Variants in FANCL observed in about 807,000 individuals in gnomAD.
FANCL encodes FA complementation group L.
In FANCL, 69 loss-of-function variants were observed where a neutral mutation model predicts 59.4. The observed-to-expected ratio is 1.16, with a 90% CI of 0.96 to 1.42. FANCL has a LOEUF of 1.42. FANCL is among the 40% of genes most tolerant of loss of function. FANCL has a pLI of 0.00. For missense variants in FANCL, 519 were observed against 447.2 expected, an observed-to-expected ratio of 1.16 and a Z score of -1.45; for synonymous variants, 180 against 147.1, an observed-to-expected ratio of 1.22 and a Z score of -1.62.
chr2:58,199,058 A>G (rs1036740871), intron 6 of FANCL, among the ~76,000 whole-genome samples: 2 of 151,726 alleles, frequency 1.3e-5, no homozygotes, highest in African/African-American at 4.8e-5. Context: ...AAAACGAGAT[A>G]TATTGGGGGA....
chr2:58,220,582 G>A (rs1019470204), intron 5 of FANCL, among the ~76,000 whole-genome samples: 1 of 151,946 alleles, frequency 6.6e-6, no homozygotes, highest in South Asian at 2.1e-4. Context: ...ATATGTTTAA[G>A]TCTCTATTTA....
intron 2 of FANCL, among the ~76,000 whole-genome samples, chr2:58,230,741 A>G (rs557647346): frequency 7.2e-5 from 11 of 152,180 alleles, no homozygotes; most frequent in Non-Finnish European, 1.0e-4. Flanking sequence ...TCCATTGGTA[A>G]CCCCTGCTCA....
At chr2:58,224,329 G>A (rs955663574) in intron 4 of FANCL, among the ~76,000 whole-genome samples, 1 of 151,706 alleles carries the variant, frequency 6.6e-6, no homozygotes, top group Non-Finnish European at 1.5e-5. Context: ...CAATGTCAAG[G>A]AGATGTAAAC....
chr2:58,172,392 T>A (rs1476188557), intron 7 of FANCL, among the ~76,000 whole-genome samples: 1 of 152,114 alleles, frequency 6.6e-6, no homozygotes, highest in Non-Finnish European at 1.5e-5. Flanking sequence ...CAGGTACTCC[T>A]CTGAGACAAA....
intron 5 of FANCL, among the ~76,000 whole-genome samples, chr2:58,214,408 T>C (rs567398162): frequency 2.6e-4 from 39 of 152,320 alleles, no homozygotes; most frequent in African/African-American, 9.4e-4. Context: ...AAGAATCCTA[T>C]AATTATACTC....
intron 7 of FANCL, among the ~76,000 whole-genome samples, chr2:58,171,166 T>C (rs1007878374): frequency 1.3e-5 from 2 of 152,004 alleles, no homozygotes; most frequent in East Asian, 1.9e-4. Context: ...TGGAATTCAA[T>C]AAAATCTCTC....
At chr2:58,226,277 A>C (rs534174131) in intron 4 of FANCL, among the ~76,000 whole-genome samples, 39 of 152,304 alleles carry the variant, frequency 2.6e-4, no homozygotes, top group Admixed American at 1.8e-3. Context: ...AAACTGAATA[A>C]TCAAGTATTT....
chr2:58,167,950 C>A (rs1268793228), intron 7 of FANCL, among the ~76,000 whole-genome samples: 2 of 151,718 alleles, frequency 1.3e-5, no homozygotes, highest in African/African-American at 4.8e-5. Flanking sequence ...CACTAAAAAC[C>A]CTTATTTTGA....
intron 1 of FANCL, among the ~76,000 whole-genome samples, chr2:58,237,629 T>C (rs564354252): frequency 1.4e-4 from 21 of 152,224 alleles, no homozygotes; most frequent in African/African-American, 5.1e-4. Flanking sequence ...ACAGGTTCTT[T>C]GAAGAAATCA....
At chr2:58,197,381 C>G (rs1431655435) in intron 7 of FANCL, among the ~76,000 whole-genome samples, 1 of 151,866 alleles carries the variant, frequency 6.6e-6, no homozygotes, top group African/African-American at 2.4e-5. Context: ...AATGAGTAGC[C>G]TCCATTTACG....
chr2:58,217,213 TATACACACACACAC>T (rs1486399832), intron 5 of FANCL, among the ~76,000 whole-genome samples: 186 of 7,704 alleles, frequency 0.024, 2 homozygotes, highest in Non-Finnish European at 0.033. Context: ...TATATATATA[TATACACACACACAC>T]ACACACACAC....
chr2:58,176,272 A>C (rs978349048), intron 7 of FANCL, among the ~76,000 whole-genome samples: 2 of 152,184 alleles, frequency 1.3e-5, no homozygotes, highest in African/African-American at 4.8e-5. Context: ...AGAATTGGAA[A>C]AATCTACTTT....
Position 58,162,949 on chromosome 2 carries a change from T to C in FANCL, c.822-2A>G. On this transcript the variant is annotated splice_acceptor_variant, in intron 10 of 13. Coordinates refer to ENST00000233741, the MANE Select transcript of FANCL (RefSeq NM_018062.4). LOFTEE classifies it high-confidence loss of function. ...TGTAACACACTATTTTCTGGATCCCTGAAAGCATGGGGAAAAAAATTATGC... is the reference window on the plus strand; with the variant it reads ...TGTAACACACTATTTTCTGGATCCCCGAAAGCATGGGGAAAAAAATTATGC... 6.2e-7 allele frequency: 1 copy of C among 1,612,688 alleles called. No homozygotes were observed. The highest frequency in any genetic ancestry group is 2.2e-5 in the East Asian group (1 of 44,824).
At chr2:58,231,592 G>T (rs1693582827) in intron 2 of FANCL, among the ~76,000 whole-genome samples, 1 of 152,102 alleles carries the variant, frequency 6.6e-6, no homozygotes, top group African/African-American at 2.4e-5. Context: ...GAGATTTGGG[G>T]TGGTACCTAA....
intron 1 of FANCL, among the ~76,000 whole-genome samples, chr2:58,238,296 A>G (rs915691661): frequency 3.3e-5 from 5 of 152,212 alleles, no homozygotes; most frequent in Non-Finnish European, 5.9e-5. Flanking sequence ...GTCTTGGCAA[A>G]TATCTTGATT....
chr2:58,185,268 C>A (rs1688291536), intron 7 of FANCL, among the ~76,000 whole-genome samples: 1 of 152,108 alleles, frequency 6.6e-6, no homozygotes, highest in South Asian at 2.1e-4. Flanking sequence ...ATATTAAGTT[C>A]TCCTAAGGCA....
chr2:58,171,591 T>C lies in FANCL; in HGVS notation c.541-5717A>G, dbSNP rs552316091. ...AAAAATCAATGAACCCAGGAGCTGG[T>C]TTTTTGAAAAGAGTAACAAAATAGG... On this transcript the variant is annotated intron_variant, in intron 7 of 13. Transcript: ENST00000233741. Among the ~76,000 whole-genome samples the C allele has an allele frequency of 6.4e-3, 980 of 152,290 alleles. 15 individuals carry two copies. Among genetic ancestry groups the C allele is most frequent in the African/African-American group, 0.022 (930 of 41,570 alleles).
At chr2:58,192,186 C>T (rs1416787502) in intron 7 of FANCL, among the ~76,000 whole-genome samples, 1 of 151,902 alleles carries the variant, frequency 6.6e-6, no homozygotes, top group Non-Finnish European at 1.5e-5. Flanking sequence ...CATGAGAGAG[C>T]TTTGCCATTC....
intron 7 of FANCL, among the ~76,000 whole-genome samples, chr2:58,182,587 C>G (rs1383037401): frequency 6.6e-6 from 1 of 151,702 alleles, no homozygotes; most frequent in Non-Finnish European, 1.5e-5. Flanking sequence ...ATACAACTAA[C>G]CCACGGAAGA....
Sources: allele counts gnomAD v4.1 joint callset (sites outside exome capture counted in the v4.1 genomes callset), GRCh38; gene constraint gnomAD v4.1.1; transcripts MANE v1.5; gene names NCBI Gene and HGNC (gene_info 2026-07-23, HGNC 2026-07-21).